The following CRPPA variants were observed in gnomAD, a reference collection of about 807,000 sequenced individuals.
CRPPA encodes the protein D-ribitol-5-phosphate cytidylyltransferase.
Under a neutral mutation model 52.0 loss-of-function variants are expected in CRPPA, and 43 were observed. The ratio of observed to expected loss-of-function variants is 0.83; its 90% confidence interval spans 0.65 to 1.07. CRPPA has a LOEUF of 1.07. CRPPA is among the 50% of genes least tolerant of loss of function. The pLI is 0.00. For synonymous variants in CRPPA, 250 were observed against 203.5 expected (o/e 1.23, Z -1.94); for missense variants, 629 against 551.7 (o/e 1.14, Z -1.40).
At chr7:16,258,126 C>A (rs1412563392) in intron 8 of CRPPA, among the ~76,000 whole-genome samples, 1 of 151,990 alleles carries the variant, frequency 6.6e-6, no homozygotes, top group Non-Finnish European at 1.5e-5. Context: ...AATACTTTGC[C>A]ATTTTAGTGA....
At chr7:16,290,851 T>C (rs1784550018) in intron 5 of CRPPA, among the ~76,000 whole-genome samples, 1 of 151,888 alleles carries the variant, frequency 6.6e-6, no homozygotes. Flanking sequence ...AAGGAGACAA[T>C]CTGTTGAATA....
At position 16,132,741 on chromosome 7, in the gene CRPPA, A is replaced by G. The variant is rs11971688; in HGVS notation, c.1252-40942T>C. Among the ~76,000 whole-genome samples the G allele has an allele frequency of 9.2e-3, 1,157 of 125,234 alleles. 178 individuals carry two copies. The highest frequency in any genetic ancestry group is 0.029 in the African/African-American group (1,112 of 38,612). 82.2% of individuals were successfully genotyped at this position (125,234 alleles called of 152,430 possible). A position where few individuals can be genotyped will look rare whatever the true frequency, so the allele number is the denominator to read the frequency against. ...CAACAACTTGTAAAAATTGGCAAAC[A>G]TTGTAGCCTAGAAATACCAAAAAAA... On this transcript the variant is annotated intron_variant, in intron 9 of 9. Transcript: ENST00000407010.
chr7:16,200,198 G>A (rs897096532), intron 9 of CRPPA, among the ~76,000 whole-genome samples: 11 of 152,134 alleles, frequency 7.2e-5, no homozygotes, highest in South Asian at 2.1e-4. Flanking sequence ...TTCTACGGAC[G>A]TTACTGCTTT....
At chr7:16,405,609 A>T (rs1427452279) in intron 2 of CRPPA, among the ~76,000 whole-genome samples, 1 of 152,186 alleles carries the variant, frequency 6.6e-6, no homozygotes, top group African/African-American at 2.4e-5. Context: ...AAGCAAATGG[A>T]AACAATTGTC....
intron 3 of CRPPA, among the ~76,000 whole-genome samples, chr7:16,342,892 T>C (rs1365825804): frequency 6.7e-6 from 1 of 149,006 alleles, no homozygotes; most frequent in Non-Finnish European, 1.5e-5. Context: ...AATACAAAAT[T>C]AGCTGGATAT....
intron 4 of CRPPA, among the ~76,000 whole-genome samples, chr7:16,305,974 G>A (rs1784901711): frequency 6.6e-6 from 1 of 152,154 alleles, no homozygotes; most frequent in Non-Finnish European, 1.5e-5. Context: ...AAGCTTTTGG[G>A]AAGAATTCTT....
intron 5 of CRPPA, among the ~76,000 whole-genome samples, chr7:16,293,480 T>C (rs1481659202): frequency 1.3e-5 from 2 of 151,924 alleles, no homozygotes; most frequent in Non-Finnish European, 2.9e-5. Flanking sequence ...CACTATTGAG[T>C]CCTGATATCT....
At chr7:16,241,265 T>C (rs1332746253) in intron 8 of CRPPA, among the ~76,000 whole-genome samples, 1 of 152,192 alleles carries the variant, frequency 6.6e-6, no homozygotes, top group Admixed American at 6.5e-5. Flanking sequence ...TAATTTATTG[T>C]AATGTCAATA....
At chr7:16,182,665 T>C (rs1781433879) in intron 9 of CRPPA, among the ~76,000 whole-genome samples, 1 of 152,176 alleles carries the variant, frequency 6.6e-6, no homozygotes, top group Admixed American at 6.5e-5. Flanking sequence ...GTATTTGTTT[T>C]CTTCATAACC....
intron 8 of CRPPA, among the ~76,000 whole-genome samples, chr7:16,250,097 A>C (rs926200010): frequency 1.3e-5 from 2 of 152,236 alleles, no homozygotes; most frequent in Non-Finnish European, 1.5e-5. Flanking sequence ...ACAAGTTTCC[A>C]CAGCTGAATC....
chr7:16,243,744 T>C (rs920902055), intron 8 of CRPPA, among the ~76,000 whole-genome samples: 6 of 152,096 alleles, frequency 3.9e-5, no homozygotes, highest in African/African-American at 1.2e-4. Context: ...GGTGGAAAGA[T>C]TGCTTGAGCT....
chr7:16,262,620 G>A (rs1464448978), intron 6 of CRPPA, among the ~76,000 whole-genome samples: 1 of 152,136 alleles, frequency 6.6e-6, no homozygotes, highest in South Asian at 2.1e-4. Flanking sequence ...ATGAATTAGA[G>A]TGTTAAAACA....
chr7:16,273,056 C>T (rs1784124563), intron 6 of CRPPA, among the ~76,000 whole-genome samples: 1 of 151,262 alleles, frequency 6.6e-6, no homozygotes, highest in Admixed American at 6.6e-5. Flanking sequence ...TGCTGGGGTG[C>T]TGCACCCATT....
intron 8 of CRPPA, among the ~76,000 whole-genome samples, chr7:16,252,467 G>A (rs1333491424): frequency 6.6e-6 from 1 of 152,106 alleles, no homozygotes; most frequent in African/African-American, 2.4e-5. Flanking sequence ...GCAAAAACTG[G>A]AAGCATTCCC....
At chr7:16,151,283 T>G (rs1256855962) in intron 9 of CRPPA, among the ~76,000 whole-genome samples, 1 of 152,140 alleles carries the variant, frequency 6.6e-6, no homozygotes, top group African/African-American at 2.4e-5. Context: ...CAAAGGAGCT[T>G]CAAACTAGAA....
At chr7:16,185,237 G>A (rs1781483676) in intron 9 of CRPPA, among the ~76,000 whole-genome samples, 1 of 152,160 alleles carries the variant, frequency 6.6e-6, no homozygotes, top group Admixed American at 6.5e-5. Context: ...GAGAGCTTGT[G>A]CAGGGAAACT....
intron 3 of CRPPA, among the ~76,000 whole-genome samples, chr7:16,365,406 T>C (rs1786565511): frequency 6.6e-6 from 1 of 152,208 alleles, no homozygotes; most frequent in Admixed American, 6.5e-5. Context: ...CTTACATCAG[T>C]ACTTAAGCCT....
chr7:16,281,025 A>G (rs540646016), intron 5 of CRPPA, among the ~76,000 whole-genome samples: 68 of 151,766 alleles, frequency 4.5e-4, no homozygotes, highest in Middle Eastern at 3.4e-3. Flanking sequence ...GTTTCAAGGG[A>G]AAAAAAAATC....
At chr7:16,361,383 C>G (rs547975887) in intron 3 of CRPPA, among the ~76,000 whole-genome samples, 24 of 152,308 alleles carry the variant, frequency 1.6e-4, no homozygotes, top group Non-Finnish European at 3.1e-4. Flanking sequence ...GAACTGAAAG[C>G]CGAGACTCCA....
Sources: gnomAD v4.1 joint callset for allele counts (sites outside exome capture counted in the v4.1 genomes callset) on GRCh38, gnomAD v4.1.1 for gene constraint, MANE v1.5 for transcripts, NCBI Gene and HGNC (gene_info 2026-07-23, HGNC 2026-07-21) for gene names.